Variants in MRPS28 observed in about 807,000 individuals in gnomAD.
MRPS28 encodes the protein mitochondrial ribosomal protein S28, also known as small ribosomal subunit protein bS1m.
Under a neutral mutation model 10.8 loss-of-function variants are expected in MRPS28, and 7 were observed. That is an observed-to-expected ratio of 0.65 (90% CI 0.37 to 1.22). The LOEUF (loss-of-function observed/expected upper bound fraction) is 1.22. Among genes scored for constraint, MRPS28 ranks in the 50% most tolerant of loss-of-function variants. The probability of loss-of-function intolerance (pLI) is 0.02; values close to 1 mark genes in which losing one functional copy is unlikely to be tolerated. For synonymous variants in MRPS28, 121 were observed against 93.3 expected (o/e 1.30, Z -1.71); for missense variants, 265 against 232.9 (o/e 1.14, Z -0.90).
chr8:79,923,805 T>G (rs1026554530), intron 2 of MRPS28, among the ~76,000 whole-genome samples: 19 of 152,108 alleles, frequency 1.2e-4, no homozygotes, highest in African/African-American at 4.3e-4. Context: ...ACTGTGCACT[T>G]TCTCAGGCCA....
chr8:79,975,973 T>C (rs1807785162), intron 2 of MRPS28, among the ~76,000 whole-genome samples: 1 of 152,212 alleles, frequency 6.6e-6, no homozygotes, highest in Non-Finnish European at 1.5e-5. Flanking sequence ...AACAATTTTG[T>C]TTATGACATA....
chr8:79,942,011 T>C (rs1806782665), intron 2 of MRPS28, among the ~76,000 whole-genome samples: 1 of 152,312 alleles, frequency 6.6e-6, no homozygotes, highest in East Asian at 1.9e-4. Context: ...AGGGAATTTG[T>C]TGATGAGGTT....
intron 2 of MRPS28, among the ~76,000 whole-genome samples, chr8:79,968,770 T>C (rs1278030683): frequency 6.6e-6 from 1 of 152,120 alleles, no homozygotes; most frequent in Non-Finnish European, 1.5e-5. Flanking sequence ...GAAGCTTTCC[T>C]TGACTGCCTC....
chr8:80,029,438 A>G (rs1033701077), intron 1 of MRPS28, among the ~76,000 whole-genome samples: 5 of 152,182 alleles, frequency 3.3e-5, no homozygotes, highest in Non-Finnish European at 7.3e-5. Flanking sequence ...TTATCTATAA[A>G]TTTATGGTAT....
At chr8:79,983,168 T>G (rs567563408) in intron 2 of MRPS28, among the ~76,000 whole-genome samples, 1 of 152,296 alleles carries the variant, frequency 6.6e-6, no homozygotes, top group African/African-American at 2.4e-5. Flanking sequence ...AAACAGGGTC[T>G]GGAGTGGACC....
chr8:79,965,062 GTATTAA>G (rs972424185), intron 2 of MRPS28, among the ~76,000 whole-genome samples: 4 of 152,044 alleles, frequency 2.6e-5, no homozygotes, highest in East Asian at 1.9e-4. Flanking sequence ...ACACACACAT[GTATTAA>G]TATTAACATT....
intron 2 of MRPS28, among the ~76,000 whole-genome samples, chr8:79,983,791 T>C (rs1808056779): frequency 2.0e-5 from 3 of 152,298 alleles, no homozygotes; most frequent in African/African-American, 4.8e-5. Flanking sequence ...ACCAAATCTA[T>C]GTCTGATTGG....
intron 1 of MRPS28, among the ~76,000 whole-genome samples, chr8:80,028,275 A>G (rs1809540668): frequency 6.6e-6 from 1 of 152,126 alleles, no homozygotes; most frequent in African/African-American, 2.4e-5. Context: ...TTAGGTAAGA[A>G]ATAGAAAAAC....
chr8:79,987,085 T>A (rs1358613331), intron 2 of MRPS28, among the ~76,000 whole-genome samples: 2 of 151,892 alleles, frequency 1.3e-5, no homozygotes, highest in Admixed American at 1.3e-4. Context: ...GAGATATAGA[T>A]CAATGGAACA....
intron 2 of MRPS28, among the ~76,000 whole-genome samples, chr8:79,996,059 A>C (rs1438286902): frequency 6.6e-6 from 1 of 152,194 alleles, no homozygotes; most frequent in Non-Finnish European, 1.5e-5. Flanking sequence ...GGGTCATCAA[A>C]AGCAAAAACA....
chr8:79,994,952 C>T (rs537510421), intron 2 of MRPS28, among the ~76,000 whole-genome samples: 5 of 152,262 alleles, frequency 3.3e-5, no homozygotes, highest in East Asian at 1.9e-4. Flanking sequence ...CTCTCACTTT[C>T]GGCACTTAGT....
intron 2 of MRPS28, among the ~76,000 whole-genome samples, chr8:79,937,421 A>T (rs536276178): frequency 6.6e-6 from 1 of 152,358 alleles, no homozygotes; most frequent in East Asian, 1.9e-4. Flanking sequence ...TAGATTTATC[A>T]CTTTAAGTTG....
In MRPS28 at chr8:79,982,045, A is replaced by G. The variant is rs979190244; in HGVS notation, c.395+20954T>C. Among the ~76,000 whole-genome samples the G allele has an allele frequency of 3.9e-5, 6 of 152,264 alleles. No individual in the cohort carries two copies. The East Asian group carries it at 1.2e-3, about 29-fold the overall frequency. On this transcript the variant is annotated intron_variant, in intron 2 of 2. Transcript: ENST00000276585. ...GTGGATCACTTGAGGTCAGAAATTC[A>G]AGACCCGCCTGGCCAACATGGTGAA...
intron 2 of MRPS28, among the ~76,000 whole-genome samples, chr8:79,986,027 A>G (rs1300276062): frequency 6.6e-6 from 1 of 152,240 alleles, no homozygotes; most frequent in Non-Finnish European, 1.5e-5. Context: ...AAAATCCTCA[A>G]TAAAATACTG....
intron 2 of MRPS28, among the ~76,000 whole-genome samples, chr8:79,969,588 A>C (rs1807578774): frequency 6.6e-6 from 1 of 152,138 alleles, no homozygotes; most frequent in Admixed American, 6.5e-5. Flanking sequence ...CTGAAATGGA[A>C]AAGATGGGGT....
intron 2 of MRPS28, among the ~76,000 whole-genome samples, chr8:79,976,696 A>G (rs946601621): frequency 1.3e-5 from 2 of 152,146 alleles, no homozygotes; most frequent in African/African-American, 4.8e-5. Flanking sequence ...ACAGAGTGAG[A>G]CTCTGTCTCA....
chr8:80,028,128 CACTTA>C (rs1809537122), intron 1 of MRPS28, among the ~76,000 whole-genome samples: 1 of 152,312 alleles, frequency 6.6e-6, no homozygotes, highest in South Asian at 2.1e-4. Context: ...TAGTTTCAAA[CACTTA>C]ACTTACTATA....
At chr8:79,947,424 T>C (rs1806947309) in intron 2 of MRPS28, among the ~76,000 whole-genome samples, 1 of 152,100 alleles carries the variant, frequency 6.6e-6, no homozygotes, top group Non-Finnish European at 1.5e-5. Flanking sequence ...AAAATCAACT[T>C]ACCAATTTCT....
chr8:79,988,807 T>C (rs1027718417), intron 2 of MRPS28, among the ~76,000 whole-genome samples: 3 of 152,204 alleles, frequency 2.0e-5, no homozygotes. Flanking sequence ...CTAGATCTCT[T>C]GCCCTCCACT....
Sources: gnomAD v4.1 joint callset for allele counts (sites outside exome capture counted in the v4.1 genomes callset) on GRCh38, gnomAD v4.1.1 for gene constraint, MANE v1.5 for transcripts, NCBI Gene and HGNC (gene_info 2026-07-23, HGNC 2026-07-21) for gene names.